NKAIN2: variants seen among roughly 807,000 people sequenced by gnomAD.
NKAIN2 encodes sodium/potassium-transporting ATPase subunit beta-1-interacting protein 2.
A neutral mutation model predicts 32.6 loss-of-function variants in NKAIN2; 14 were observed. That is an observed-to-expected ratio of 0.43 (90% CI 0.28 to 0.67). The LOEUF is 0.67. NKAIN2 is among the 30% of genes least tolerant of loss of function. NKAIN2 has a pLI of 0.17. For missense variants in NKAIN2, 198 were observed against 258.3 expected (o/e 0.77, Z 1.60); for synonymous variants, 80 against 87.2 (o/e 0.92, Z 0.46).
chr6:124,490,402 A>C, intron 3 of NKAIN2: 1 of 406,838 alleles, frequency 2.5e-6, no homozygotes, highest in Non-Finnish European at 4.7e-6. Flanking sequence ...GACCGTATAG[A>C]ATCATAGAGG....
chr6:124,581,086 G>A (rs914338272), intron 3 of NKAIN2, among the ~76,000 whole-genome samples: 1 of 152,166 alleles, frequency 6.6e-6, no homozygotes, highest in South Asian at 2.1e-4. Context: ...TGCAATAATA[G>A]CTGGAGTTTT....
At chr6:124,769,542 T>C (rs1462364876) in intron 4 of NKAIN2, among the ~76,000 whole-genome samples, 2 of 152,134 alleles carry the variant, frequency 1.3e-5, no homozygotes, top group Non-Finnish European at 2.9e-5. Flanking sequence ...ATCAACTAGA[T>C]TAACTTTGAA....
At chr6:124,133,298 A>G (rs113212500) in intron 1 of NKAIN2, among the ~76,000 whole-genome samples, 2,709 of 152,258 alleles carry the variant, frequency 0.018, 67 homozygotes, top group African/African-American at 0.051. Flanking sequence ...CTATAGATGA[A>G]AAGAGGTGCC....
intron 2 of NKAIN2, among the ~76,000 whole-genome samples, chr6:124,326,336 T>G (rs1797410449): frequency 6.6e-6 from 1 of 152,126 alleles, no homozygotes; most frequent in African/African-American, 2.4e-5. Context: ...TTTTCAGGAC[T>G]TTTAGTAAGA....
intron 3 of NKAIN2, among the ~76,000 whole-genome samples, chr6:124,647,496 CAAAAAAAAAA>C (rs1157607122): frequency 1.7e-5 from 1 of 58,940 alleles, no homozygotes; most frequent in Non-Finnish European, 2.8e-5. Context: ...GAGACTCTGT[CAAAAAAAAAA>C]AAAAAAAAAA....
chr6:124,419,569 A>G (rs74340308), intron 3 of NKAIN2, among the ~76,000 whole-genome samples: 4,059 of 152,294 alleles, frequency 0.027, 59 homozygotes, highest in Non-Finnish European at 0.042. Flanking sequence ...AGTGTGTGTG[A>G]GGATATTTCT....
chr6:124,634,930 G>C (rs1249244442), intron 3 of NKAIN2, among the ~76,000 whole-genome samples: 1 of 149,952 alleles, frequency 6.7e-6, no homozygotes, highest in Non-Finnish European at 1.5e-5. Context: ...CAGGTCAGAA[G>C]AATAGTATGA....
intron 2 of NKAIN2, among the ~76,000 whole-genome samples, chr6:124,284,067 G>GAA (rs1795437692): frequency 6.6e-6 from 1 of 150,994 alleles, no homozygotes. Context: ...CATTGGTACA[G>GAA]CCAGGCAATG....
At chr6:124,154,566 A>G (rs1028394371) in intron 1 of NKAIN2, among the ~76,000 whole-genome samples, 53 of 151,972 alleles carry the variant, frequency 3.5e-4, no homozygotes, top group African/African-American at 1.2e-3. Context: ...TTATGTACGT[A>G]TTCTAGCCCA....
intron 2 of NKAIN2, among the ~76,000 whole-genome samples, chr6:124,306,122 T>G (rs1019646150): frequency 2.6e-5 from 4 of 152,208 alleles, no homozygotes; most frequent in African/African-American, 9.6e-5. Flanking sequence ...AAATAGATTA[T>G]TAAATGTTTT....
At chr6:124,194,678 A>G (rs994236183) in intron 1 of NKAIN2, among the ~76,000 whole-genome samples, 21 of 152,134 alleles carry the variant, frequency 1.4e-4, no homozygotes, top group Admixed American at 7.9e-4. Flanking sequence ...TCCATAGTAC[A>G]CGATGCTATA....
At position 124,058,428 on chromosome 6, in the gene NKAIN2, A is replaced by G. The variant is rs1026835473; in HGVS notation, c.55-224577A>G. The stretch of plus-strand genomic sequence containing the variant: ...AGCAATGAGTCTAGCAAATTTAGCC[A>G]TCTATTAGTTCAGAGACATTGGACA... On this transcript the variant is annotated intron_variant, in intron 1 of 6. Transcript: ENST00000368417. 5.3e-5 allele frequency among the ~76,000 whole-genome samples: 8 copies of G among 152,068 alleles called. No individual in the cohort carries two copies. In the East Asian group the frequency reaches 9.7e-4, roughly 18 times the overall value.
intron 1 of NKAIN2, among the ~76,000 whole-genome samples, chr6:124,037,615 T>C (rs569272752): frequency 3.6e-4 from 55 of 152,230 alleles, no homozygotes; most frequent in Non-Finnish European, 6.6e-4. Flanking sequence ...TCAAAGAGCC[T>C]CTTGAGACAG....
intron 1 of NKAIN2, among the ~76,000 whole-genome samples, chr6:123,951,885 C>T (rs1194241581): frequency 1.3e-5 from 2 of 149,888 alleles, no homozygotes; most frequent in Non-Finnish European, 3.0e-5. Context: ...CCTTTTCTTT[C>T]TTTCTTTTTT....
chr6:124,160,667 G>A (rs1788227384), intron 1 of NKAIN2, among the ~76,000 whole-genome samples: 2 of 152,064 alleles, frequency 1.3e-5, no homozygotes, highest in South Asian at 4.2e-4. Context: ...CAAAAGGATA[G>A]CAAATTTTAT....
At chr6:123,907,359 A>G (rs1461591679) in intron 1 of NKAIN2, among the ~76,000 whole-genome samples, 4 of 152,204 alleles carry the variant, frequency 2.6e-5, no homozygotes, top group Non-Finnish European at 4.4e-5. Flanking sequence ...TTTAGATCTA[A>G]CATTTGATAG....
chr6:124,497,685 C>A (rs906959256), intron 3 of NKAIN2, among the ~76,000 whole-genome samples: 1 of 151,662 alleles, frequency 6.6e-6, no homozygotes, highest in Non-Finnish European at 1.5e-5. Flanking sequence ...TACACTATTT[C>A]TTTTATTTTT....
chr6:123,883,650 A>AT, intron 1 of NKAIN2, among the ~76,000 whole-genome samples: 1 of 109,698 alleles, frequency 9.1e-6, no homozygotes, highest in South Asian at 3.3e-4. Flanking sequence ...TTAAAAAAAA[A>AT]TTTTTTTTAA....
rs376041116 is a variant in NKAIN2 at position 124,350,880 on chromosome 6, T to C, written c.193-4387T>C. Reference sequence around the variant, plus strand: ...GGCACATGCCTGTAGTCCTAGCTATTCAAGAGACTGAGGCAGGAGGATCAC... The same window carrying C: ...GGCACATGCCTGTAGTCCTAGCTATCCAAGAGACTGAGGCAGGAGGATCAC... On this transcript the variant is annotated intron_variant, in intron 2 of 6. Coordinates refer to ENST00000368417, the MANE Select transcript of NKAIN2 (RefSeq NM_001040214.3). Among the ~76,000 whole-genome samples, 76 of 152,268 alleles carry C rather than the reference T, an allele frequency of 5.0e-4. 1 individual carries two copies. Among genetic ancestry groups the C allele is most frequent in the African/African-American group, 1.3e-3 (56 of 41,566 alleles).
Sources: gnomAD v4.1 joint callset for allele counts (sites outside exome capture counted in the v4.1 genomes callset) on GRCh38, gnomAD v4.1.1 for gene constraint, MANE v1.5 for transcripts, NCBI Gene and HGNC (gene_info 2026-07-23, HGNC 2026-07-21) for gene names.